Variants in CDH13 observed in about 807,000 individuals in gnomAD.
The protein encoded by CDH13 is cadherin 13, also known as cadherin-13.
CDH13 carries 24 observed loss-of-function variants against 63.8 expected under a neutral mutation model. The observed-to-expected ratio is 0.38, with a 90% CI of 0.27 to 0.53. CDH13 has a LOEUF of 0.53. Among genes scored for constraint, CDH13 ranks in the 20% least tolerant of loss-of-function variants. The pLI is 0.85. For synonymous variants in CDH13, 503 were observed against 355.3 expected (o/e 1.42, Z -4.67); for missense variants, 1,049 against 903.1 (o/e 1.16, Z -2.07).
chr16:83,425,284 C>A (rs1314270604), intron 6 of CDH13, among the ~76,000 whole-genome samples: 4 of 152,232 alleles, frequency 2.6e-5, no homozygotes, highest in African/African-American at 9.6e-5. Context: ...ACGTTAGTTC[C>A]AGCCAGTGTT....
chr16:83,130,249 C>T (rs1326699627), intron 4 of CDH13, among the ~76,000 whole-genome samples: 1 of 152,178 alleles, frequency 6.6e-6, no homozygotes, highest in African/African-American at 2.4e-5. Context: ...GGATCATTTT[C>T]CAGCATGCCA....
intron 2 of CDH13, among the ~76,000 whole-genome samples, chr16:82,975,087 C>G (rs919101837): frequency 3.9e-5 from 6 of 152,216 alleles, no homozygotes; most frequent in Non-Finnish European, 7.3e-5. Context: ...TGATTTCTTT[C>G]AGTCCGATGG....
intron 7 of CDH13, among the ~76,000 whole-genome samples, chr16:83,543,317 G>A (rs954993556): frequency 5.3e-5 from 8 of 152,092 alleles, no homozygotes; most frequent in African/African-American, 1.9e-4. Flanking sequence ...AACCTTAGTG[G>A]GCCTTCATGC....
At chr16:82,828,936 C>T (rs1267338391) in intron 1 of CDH13, among the ~76,000 whole-genome samples, 1 of 152,092 alleles carries the variant, frequency 6.6e-6, no homozygotes, top group Non-Finnish European at 1.5e-5. Context: ...GACAATTGTG[C>T]TAACCTTTTA....
intron 7 of CDH13, among the ~76,000 whole-genome samples, chr16:83,600,733 G>T (rs1034168626): frequency 1.3e-5 from 2 of 152,124 alleles, no homozygotes; most frequent in Non-Finnish European, 2.9e-5. Context: ...TCTGTGTGAT[G>T]ATTAAGAAAT....
chr16:82,741,110 T>C (rs1227318503), intron 1 of CDH13, among the ~76,000 whole-genome samples: 1 of 152,176 alleles, frequency 6.6e-6, no homozygotes, highest in Non-Finnish European at 1.5e-5. Context: ...CAGATCTTCC[T>C]TTCCTTCCAC....
chr16:82,986,814 C>G (rs776112782), intron 2 of CDH13, among the ~76,000 whole-genome samples: 4 of 152,114 alleles, frequency 2.6e-5, no homozygotes, highest in African/African-American at 4.8e-5. Flanking sequence ...AGAATTGAGA[C>G]CATATCTCAT....
intron 4 of CDH13, among the ~76,000 whole-genome samples, chr16:83,162,377 G>C (rs1168540815): frequency 6.6e-6 from 1 of 152,060 alleles, no homozygotes; most frequent in Non-Finnish European, 1.5e-5. Flanking sequence ...CTTCCAACAA[G>C]ATACCAGACC....
intron 1 of CDH13, among the ~76,000 whole-genome samples, chr16:82,792,121 A>C (rs1421128526): frequency 3.9e-5 from 6 of 152,022 alleles, no homozygotes; most frequent in Admixed American, 3.9e-4. Flanking sequence ...ACCTTCCTTC[A>C]CATAAACCAT....
chr16:82,686,587 T>C (rs1302832116), intron 1 of CDH13, among the ~76,000 whole-genome samples: 1 of 152,238 alleles, frequency 6.6e-6, no homozygotes, highest in East Asian at 1.9e-4. Context: ...CATTATTTAA[T>C]CACTCTGGCC....
In CDH13 at chr16:82,973,408, T is replaced by C. The variant is rs16958986; in HGVS notation, c.158-58602T>C. ...AAATTTTTCTAAGTGTCAGCTCATATGAGACACCCGCTCCAGATGTCTTGT... is the reference window on the plus strand; with the variant it reads ...AAATTTTTCTAAGTGTCAGCTCATACGAGACACCCGCTCCAGATGTCTTGT... On this transcript the variant is annotated intron_variant, in intron 2 of 13. Transcript: ENST00000567109. Among the ~76,000 whole-genome samples, 4,111 of 152,340 alleles carry C rather than the reference T, an allele frequency of 0.027. 436 individuals are homozygous for C. In the East Asian group the frequency reaches 0.29, roughly 11 times the overall value.
intron 4 of CDH13, among the ~76,000 whole-genome samples, chr16:83,211,490 T>C (rs1249179761): frequency 6.6e-6 from 1 of 152,172 alleles, no homozygotes; most frequent in East Asian, 1.9e-4. Context: ...TGCTATATAG[T>C]CTATGAGTTC....
rs530046272 is a variant in CDH13 at position 83,490,048 on chromosome 16, C to CACACACACAG, written c.960+3394_960+3395insCACACACAGA. Among the ~76,000 whole-genome samples, 53 of 150,272 alleles carry CACACACACAG rather than the reference C, an allele frequency of 3.5e-4. 1 individual carries two copies. Among genetic ancestry groups the CACACACACAG allele is most frequent in the South Asian group, 2.1e-3 (10 of 4,734 alleles). On this transcript the variant is annotated intron_variant, in intron 7 of 13. Transcript: ENST00000567109. ...ACACACACACACACACACACACACACAGCTCACCAGCACCTCTGGCTCTCA... is the reference window on the plus strand; with the variant it reads ...ACACACACACACACACACACACACACACACACACAGAGCTCACCAGCACCTCTGGCTCTCA...
At chr16:83,119,098 C>G (rs1243656865) in intron 3 of CDH13, among the ~76,000 whole-genome samples, 3 of 152,196 alleles carry the variant, frequency 2.0e-5, no homozygotes, top group Non-Finnish European at 2.9e-5. Context: ...ATGGTCAAGC[C>G]TAGCAGCCTC....
At chr16:82,774,491 C>A (rs1328459794) in intron 1 of CDH13, among the ~76,000 whole-genome samples, 1 of 152,118 alleles carries the variant, frequency 6.6e-6, no homozygotes, top group Admixed American at 6.5e-5. Flanking sequence ...TCAGGGTCTA[C>A]CACTGTGTAT....
intron 1 of CDH13, among the ~76,000 whole-genome samples, chr16:82,850,770 C>A (rs752898808): frequency 1.3e-5 from 2 of 152,146 alleles, no homozygotes; most frequent in Non-Finnish European, 2.9e-5. Flanking sequence ...TCAGCAGCCA[C>A]CAAAATGGAG....
At chr16:82,985,185 CT>C (rs1910777869) in intron 2 of CDH13, among the ~76,000 whole-genome samples, 1 of 152,116 alleles carries the variant, frequency 6.6e-6, no homozygotes, top group Non-Finnish European at 1.5e-5. Flanking sequence ...TGTATTTTGA[CT>C]TCTTCAGGAT....
intron 5 of CDH13, among the ~76,000 whole-genome samples, chr16:83,275,434 C>T (rs1039419186): frequency 6.6e-6 from 1 of 152,138 alleles, no homozygotes; most frequent in African/African-American, 2.4e-5. Flanking sequence ...AGCACAGAGC[C>T]CCCTTTCAGA....
intron 7 of CDH13, among the ~76,000 whole-genome samples, chr16:83,510,718 G>A (rs995464030): frequency 6.6e-6 from 1 of 152,168 alleles, no homozygotes; most frequent in African/African-American, 2.4e-5. Flanking sequence ...TCTAGATAGA[G>A]CCAAACTGTC....
Sources: gnomAD v4.1 joint callset for allele counts (sites outside exome capture counted in the v4.1 genomes callset) on GRCh38, gnomAD v4.1.1 for gene constraint, MANE v1.5 for transcripts, NCBI Gene and HGNC (gene_info 2026-07-23, HGNC 2026-07-21) for gene names.